Variants in MID1 observed in about 807,000 individuals in gnomAD.
The protein encoded by MID1 is midline 1, also known as E3 ubiquitin-protein ligase Midline-1.
A neutral mutation model predicts 40.4 loss-of-function variants in MID1; 7 were observed. The observed-to-expected ratio is 0.17, with a 90% CI of 0.10 to 0.33. The LOEUF (loss-of-function observed/expected upper bound fraction) is 0.33, where lower values mean the gene tolerates loss of function less well. MID1 is among the 10% of genes least tolerant of loss of function. The probability of loss-of-function intolerance (pLI) is 1.00; values close to 1 mark genes in which losing one functional copy is unlikely to be tolerated. For synonymous variants in MID1, 229 were observed against 221.2 expected, an observed-to-expected ratio of 1.04 and a Z score of -0.31; for missense variants, 367 against 558.5, an observed-to-expected ratio of 0.66 and a Z score of 3.46.
intron 1 of MID1, among the ~76,000 whole-genome samples, chrX:10,723,331 T>G (rs1478305345): frequency 8.9e-6 from 1 of 111,906 alleles, no homozygotes; most frequent in Non-Finnish European, 1.9e-5. Context: ...CTTGCAGACT[T>G]GCATAAACAA....
At chrX:10,549,756 C>T (rs1933836056) in intron 2 of MID1, among the ~76,000 whole-genome samples, 1 of 113,138 alleles carries the variant, frequency 8.8e-6, no homozygotes, top group South Asian at 3.6e-4. Flanking sequence ...GATCTTGTCC[C>T]ATTGGGCTGG....
rs147970554 is a variant in MID1, at chrX:10,568,065, C to T, written c.-56-462G>A. 1.5e-4 allele frequency among the ~76,000 whole-genome samples: 17 copies of T among 111,764 alleles called. No individual in the cohort carries two copies. In the East Asian group the frequency reaches 3.4e-3, roughly 22 times the overall value. ...TGTATACGAGATTTAAGGACTTTTA[C>T]TCTGCAATACCAAACCAGGTTTCAG... On this transcript the variant is annotated intron_variant, in intron 1 of 9. Coordinates refer to ENST00000317552, the MANE Select transcript of MID1 (RefSeq NM_000381.4).
intron 7 of MID1, among the ~76,000 whole-genome samples, chrX:10,465,657 T>A (rs755053198): frequency 4.5e-5 from 5 of 111,177 alleles, no homozygotes; most frequent in Non-Finnish European, 7.5e-5. Flanking sequence ...GCAGACTCTC[T>A]CCCTTGCTGG....
At chrX:10,619,864 A>G (rs913250083) in intron 1 of MID1, among the ~76,000 whole-genome samples, 2 of 112,221 alleles carry the variant, frequency 1.8e-5, no homozygotes, top group African/African-American at 6.5e-5. Flanking sequence ...ATGCGAAACC[A>G]AAATGAGATA....
intron 8 of MID1, among the ~76,000 whole-genome samples, chrX:10,457,204 C>T (rs536903264): frequency 2.4e-4 from 27 of 111,873 alleles, no homozygotes; most frequent in South Asian, 3.8e-4. Flanking sequence ...GGCCTCCTTC[C>T]GGTGAGATAT....
chrX:10,631,133 C>G (rs1284913680), intron 1 of MID1, among the ~76,000 whole-genome samples: 1 of 111,848 alleles, frequency 8.9e-6, no homozygotes, highest in African/African-American at 3.2e-5. Flanking sequence ...CCAATCAATG[C>G]AGTATAGCAC....
intron 1 of MID1, among the ~76,000 whole-genome samples, chrX:10,760,338 T>C (rs1365416796): frequency 8.9e-6 from 1 of 112,131 alleles, no homozygotes; most frequent in Non-Finnish European, 1.9e-5. Context: ...TCTAAAGATA[T>C]AAGAATGTAA....
chrX:10,673,316 C>A (rs1459026314), intron 1 of MID1, among the ~76,000 whole-genome samples: 1 of 111,497 alleles, frequency 9.0e-6, no homozygotes, highest in Non-Finnish European at 1.9e-5. Context: ...ACAAGCAGAT[C>A]TCTATACAAA....
chrX:10,675,956 C>T lies in MID1; in HGVS notation c.-186-55537G>A, dbSNP rs190298012. ...CATTTTCCTCACTTGAGTGTGAACACTCTCCCCTCCTTTCACAGTGTCTTG... is the reference window on the plus strand; with the variant it reads ...CATTTTCCTCACTTGAGTGTGAACATTCTCCCCTCCTTTCACAGTGTCTTG... On this transcript the variant is annotated intron_variant, in intron 1 of 10. Transcript: ENST00000380785. 2.7e-5 allele frequency among the ~76,000 whole-genome samples: 3 copies of T among 112,178 alleles called. No homozygotes were observed. The East Asian group carries it at 8.5e-4, about 32-fold the overall frequency.
intron 7 of MID1, among the ~76,000 whole-genome samples, chrX:10,465,204 TATATATATATA>T (rs1929278912): frequency 1.5e-5 from 1 of 67,375 alleles, no homozygotes; most frequent in African/African-American, 7.4e-5. Flanking sequence ...TATATATATA[TATATATATATA>T]CACACACACA....
rs138345455 is a variant in MID1 at position 10,826,666 on chromosome X, C to A, written c.-187+6888G>T. ...AAATTTTCTCTGCCTTTCTCTGTAG[C>A]AGATCAGCTACATCCTCTTAGTACA... On this transcript the variant is annotated intron_variant, in intron 1 of 10. Coordinates refer to the MID1 transcript ENST00000380785. Among the ~76,000 whole-genome samples, 265 of 111,921 alleles carry A rather than the reference C, an allele frequency of 2.4e-3. 1 individual carries two copies. Among genetic ancestry groups the A allele is most frequent in the African/African-American group, 8.3e-3 (255 of 30,861 alleles).
chrX:10,676,690 C>A (rs2043025424), intron 1 of MID1, among the ~76,000 whole-genome samples: 1 of 111,013 alleles, frequency 9.0e-6, no homozygotes, highest in Admixed American at 9.6e-5. Flanking sequence ...AACCAGCACA[C>A]ACACCAAATG....
At chrX:10,787,549 C>A (rs1371712621) in intron 1 of MID1, among the ~76,000 whole-genome samples, 1 of 28,236 alleles carries the variant, frequency 3.5e-5, no homozygotes, top group African/African-American at 1.5e-4. Flanking sequence ...CCTCCCCTCC[C>A]CTCCCCTCCT....
At chrX:10,496,729 T>G (rs2147323542) in intron 3 of MID1, among the ~76,000 whole-genome samples, 1 of 112,231 alleles carries the variant, frequency 8.9e-6, no homozygotes, top group South Asian at 3.7e-4. Context: ...AGTAGGGTCA[T>G]GAGTTCAAGA....
At chrX:10,509,759 C>G (rs985150937) in intron 3 of MID1, among the ~76,000 whole-genome samples, 2 of 112,207 alleles carry the variant, frequency 1.8e-5, no homozygotes, top group Non-Finnish European at 3.8e-5. Context: ...GTGAGCTTAT[C>G]GGACATGCTG....
chrX:10,581,777 G>A (rs1250198048), intron 1 of MID1, among the ~76,000 whole-genome samples: 4 of 111,487 alleles, frequency 3.6e-5, no homozygotes, highest in African/African-American at 9.8e-5. Context: ...CTTCACATTG[G>A]CAATTTCATC....
At chrX:10,636,723 A>G (rs1226583281) in intron 1 of MID1, among the ~76,000 whole-genome samples, 1 of 98,886 alleles carries the variant, frequency 1.0e-5, no homozygotes, top group African/African-American at 3.8e-5. Context: ...CATCAGTTTC[A>G]AGGGCAATCA....
intron 1 of MID1, among the ~76,000 whole-genome samples, chrX:10,600,310 A>C (rs1935496229): frequency 9.0e-6 from 1 of 111,297 alleles, no homozygotes; most frequent in Admixed American, 9.5e-5. Context: ...AGAAAAAAAA[A>C]AGAGTAAAAT....
At chrX:10,781,608 T>A (rs184979254) in intron 1 of MID1, among the ~76,000 whole-genome samples, 1 of 112,053 alleles carries the variant, frequency 8.9e-6, no homozygotes, top group Non-Finnish European at 1.9e-5. Context: ...AAACCCACAT[T>A]TGCTTTTGTG....
Sources: gnomAD v4.1 joint callset for allele counts (sites outside exome capture counted in the v4.1 genomes callset) on GRCh38, gnomAD v4.1.1 for gene constraint, MANE v1.5 for transcripts, NCBI Gene and HGNC (gene_info 2026-07-23, HGNC 2026-07-21) for gene names.